The following SLC35F3 variants were observed in gnomAD, a reference collection of about 807,000 sequenced individuals.
SLC35F3 encodes putative thiamine transporter SLC35F3.
Under a neutral mutation model 49.9 loss-of-function variants are expected in SLC35F3, and 25 were observed. The observed-to-expected ratio is 0.50, with a 90% CI of 0.37 to 0.70. The LOEUF (loss-of-function observed/expected upper bound fraction) is 0.70. SLC35F3 is among the 30% of genes least tolerant of loss of function. The pLI is 0.00. For missense variants in SLC35F3, 525 were observed against 639.8 expected (o/e 0.82, Z 1.94); for synonymous variants, 275 against 265.4 (o/e 1.04, Z -0.35).
rs139039154 is a variant in SLC35F3, at chr1:234,033,438, T to C, written c.283+127680T>C. 2.8e-3 allele frequency among the ~76,000 whole-genome samples: 424 copies of C among 152,072 alleles called. 2 individuals carry two copies. The highest frequency in any genetic ancestry group is 5.6e-3 in the Admixed American group (86 of 15,272). ...GTAATGAATTCTTTGCCTAAGCCAA[T>C]GTCTAGAAGGGTTTTTCCAATGTTA... On this transcript the variant is annotated intron_variant, in intron 2 of 7. Transcript: ENST00000366618.
intron 2 of SLC35F3, among the ~76,000 whole-genome samples, chr1:234,043,952 T>G (rs1019518727): frequency 2.2e-4 from 33 of 152,210 alleles, no homozygotes; most frequent in African/African-American, 7.7e-4. Flanking sequence ...TGCATACGCT[T>G]TGTCTCTCCC....
chr1:233,959,968 T>C (rs533840294), intron 2 of SLC35F3, among the ~76,000 whole-genome samples: 1 of 152,316 alleles, frequency 6.6e-6, no homozygotes, highest in Non-Finnish European at 1.5e-5. Flanking sequence ...CAGTGTTTTG[T>C]TGGGGACAGG....
Position 234,126,477 on chromosome 1 carries a change from A to ATGTGTGTG in SLC35F3, c.284-104932_284-104925dup, listed in dbSNP as rs111609229. 9.7e-3 allele frequency among the ~76,000 whole-genome samples: 1,472 copies of ATGTGTGTG among 151,162 alleles called. 15 individuals carry two copies. The highest frequency in any genetic ancestry group is 0.03 in the African/African-American group (1,252 of 41,202). On this transcript the variant is annotated intron_variant, in intron 2 of 7. Coordinates refer to ENST00000366618, the MANE Select transcript of SLC35F3 (RefSeq NM_173508.4). ...ATCCACTGATCTGCCCCTGTTTTAC[A>ATGTGTGTG]TGTGTGTGTGTGTGTATTTAGTTCT...
chr1:233,954,359 G>A (rs1347608889), intron 2 of SLC35F3, among the ~76,000 whole-genome samples: 1 of 150,368 alleles, frequency 6.7e-6, no homozygotes, highest in Admixed American at 6.6e-5. Context: ...AGGAATGCCA[G>A]AAAGGGGTGG....
At chr1:233,906,896 A>G (rs924222287) in intron 2 of SLC35F3, among the ~76,000 whole-genome samples, 3 of 152,236 alleles carry the variant, frequency 2.0e-5, no homozygotes, top group African/African-American at 7.2e-5. Context: ...GTTTTCATGC[A>G]ACTTGCTTTT....
intron 2 of SLC35F3, among the ~76,000 whole-genome samples, chr1:234,077,339 T>C (rs1664808186): frequency 1.3e-5 from 2 of 152,202 alleles, no homozygotes; most frequent in Admixed American, 1.3e-4. Context: ...GTTCAACATG[T>C]CTGGAGAGGC....
At chr1:234,008,153 A>G (rs990144958) in intron 2 of SLC35F3, among the ~76,000 whole-genome samples, 3 of 77,998 alleles carry the variant, frequency 3.8e-5, no homozygotes, top group African/African-American at 1.6e-4. Context: ...TCTCTCACTC[A>G]TCTATTAGAT....
chr1:234,290,266 A>G (rs1668485896), intron 3 of SLC35F3, among the ~76,000 whole-genome samples: 1 of 152,252 alleles, frequency 6.6e-6, no homozygotes, highest in Non-Finnish European at 1.5e-5. Flanking sequence ...CTTCAGAAGC[A>G]AAATGAAGAA....
At chr1:234,032,078 A>G (rs1245774961) in intron 2 of SLC35F3, among the ~76,000 whole-genome samples, 1 of 152,066 alleles carries the variant, frequency 6.6e-6, no homozygotes, top group Non-Finnish European at 1.5e-5. Flanking sequence ...TCTGAATAGC[A>G]TGTTTGCATT....
chr1:234,126,294 G>T (rs1356122815), intron 2 of SLC35F3, among the ~76,000 whole-genome samples: 1 of 152,104 alleles, frequency 6.6e-6, no homozygotes, highest in Non-Finnish European at 1.5e-5. Context: ...CTCATCTTTT[G>T]TTTTAGCTAA....
chr1:234,176,553 G>A (rs1666478467), intron 2 of SLC35F3, among the ~76,000 whole-genome samples: 1 of 152,130 alleles, frequency 6.6e-6, no homozygotes, highest in African/African-American at 2.4e-5. Flanking sequence ...ATCTCTATCA[G>A]AATCAATTGG....
Position 234,239,217 on chromosome 1 carries a change from G to A in SLC35F3, c.608+7476G>A, listed in dbSNP as rs185092126. Among the ~76,000 whole-genome samples the A allele has an allele frequency of 7.3e-3, 1,110 of 152,306 alleles. 7 individuals are homozygous for A. The highest frequency in any genetic ancestry group is 0.011 in the Non-Finnish European group (724 of 68,028). The stretch of plus-strand genomic sequence containing the variant: ...CAATGAAGGATGGTCTCCCAGAGGA[G>A]CATCCTTCAACTGGTGGATTTTGAG... On this transcript the variant is annotated intron_variant, in intron 3 of 7. Coordinates refer to ENST00000366618, the MANE Select transcript of SLC35F3 (RefSeq NM_173508.4).
intron 2 of SLC35F3, among the ~76,000 whole-genome samples, chr1:233,939,917 T>C (rs1251613991): frequency 1.3e-5 from 2 of 152,226 alleles, no homozygotes; most frequent in East Asian, 3.8e-4. Context: ...CTTTATTCCA[T>C]CTTTTAAGAC....
At chr1:234,054,131 C>T (rs923428416) in intron 2 of SLC35F3, among the ~76,000 whole-genome samples, 5 of 151,998 alleles carry the variant, frequency 3.3e-5, no homozygotes, top group Non-Finnish European at 5.9e-5. Flanking sequence ...GGAGTTGCTC[C>T]TCTCGAGGAG....
intron 2 of SLC35F3, among the ~76,000 whole-genome samples, chr1:234,061,186 A>C (rs889266093): frequency 6.6e-6 from 1 of 151,802 alleles, no homozygotes; most frequent in African/African-American, 2.4e-5. Context: ...TGTTTATCTC[A>C]AGGCGTCTTT....
At chr1:234,217,547 C>T (rs1179613765) in intron 2 of SLC35F3, among the ~76,000 whole-genome samples, 1 of 152,054 alleles carries the variant, frequency 6.6e-6, no homozygotes, top group East Asian at 1.9e-4. Context: ...GAGGAGGAGG[C>T]CTTCATGAGG....
chr1:234,226,961 GCACACACACACA>G (rs57809897), intron 2 of SLC35F3, among the ~76,000 whole-genome samples: 6 of 148,742 alleles, frequency 4.0e-5, no homozygotes, highest in Non-Finnish European at 8.9e-5. Flanking sequence ...GCGCACGCGT[GCACACACACACA>G]CACACACACA....
At chr1:233,992,379 G>A (rs529435357) in intron 2 of SLC35F3, among the ~76,000 whole-genome samples, 1 of 152,272 alleles carries the variant, frequency 6.6e-6, no homozygotes, top group South Asian at 2.1e-4. Flanking sequence ...TCAAGAGCGT[G>A]GCCCTGACTT....
chr1:234,023,140 C>T (rs978794326), intron 2 of SLC35F3, among the ~76,000 whole-genome samples: 1 of 152,078 alleles, frequency 6.6e-6, no homozygotes, highest in Non-Finnish European at 1.5e-5. Context: ...TTACAAGACT[C>T]GCAGCCCATG....
Sources: allele counts gnomAD v4.1 joint callset (sites outside exome capture counted in the v4.1 genomes callset), GRCh38; gene constraint gnomAD v4.1.1; transcripts MANE v1.5; gene names NCBI Gene and HGNC (gene_info 2026-07-23, HGNC 2026-07-21).